Variants in ESRRG observed in about 807,000 individuals in gnomAD.
The protein encoded by ESRRG is estrogen-related receptor gamma.
Under a neutral mutation model 44.0 loss-of-function variants are expected in ESRRG, and 13 were observed. The observed-to-expected ratio is 0.30, with a 90% CI of 0.19 to 0.47. The LOEUF (loss-of-function observed/expected upper bound fraction) is 0.47, where lower values mean the gene tolerates loss of function less well. ESRRG is among the 20% of genes least tolerant of loss of function. The pLI, the probability that ESRRG is intolerant of heterozygous loss-of-function variation, is 1.00. For synonymous variants in ESRRG, 215 were observed against 214.6 expected (o/e 1.00, Z -0.02); for missense variants, 395 against 580.6 (o/e 0.68, Z 3.29).
At chr1:216,871,860 G>T (rs1577467856) in intron 2 of ESRRG, among the ~76,000 whole-genome samples, 2 of 152,028 alleles carry the variant, frequency 1.3e-5, no homozygotes, top group Non-Finnish European at 2.9e-5. Context: ...AAGAGGAAAA[G>T]AATTGTCTAT....
chr1:216,958,515 G>A (rs1303043264), intron 1 of ESRRG, among the ~76,000 whole-genome samples: 1 of 39,102 alleles, frequency 2.6e-5, no homozygotes, highest in Non-Finnish European at 1.2e-4. Flanking sequence ...GTCTTTCTCT[G>A]ATGATGATTG....
chr1:216,797,476 T>C lies in ESRRG; in HGVS notation c.-13-119985A>G, dbSNP rs1013864164. Among the ~76,000 whole-genome samples, 5 of 152,246 alleles carry C rather than the reference T, an allele frequency of 3.3e-5. No individual in the cohort carries two copies. In the East Asian group the frequency reaches 9.7e-4, roughly 29 times the overall value. On this transcript the variant is annotated intron_variant, in intron 2 of 7. Transcript: ENST00000359162. ...TAGTTCCGATAGCTACTTCACAGTA[T>C]ACCCATCCCTCCAGATCCACTAACC...
At chr1:216,708,248 A>G (rs1336506794) in intron 1 of ESRRG, among the ~76,000 whole-genome samples, 1 of 152,186 alleles carries the variant, frequency 6.6e-6, no homozygotes. Flanking sequence ...ATAAAGAATG[A>G]AGAAACTAGT....
intron 2 of ESRRG, among the ~76,000 whole-genome samples, chr1:216,874,946 T>C (rs2096325232): frequency 6.6e-6 from 1 of 152,150 alleles, no homozygotes; most frequent in Non-Finnish European, 1.5e-5. Flanking sequence ...CTTATACCAG[T>C]GGTTTGCCAG....
In ESRRG at chr1:216,565,412, C is replaced by T. The variant is rs528272811; in HGVS notation, c.701-1032G>A. Among the ~76,000 whole-genome samples, 4 of 152,200 alleles carry T rather than the reference C, an allele frequency of 2.6e-5. No homozygotes were observed. In the East Asian group the frequency reaches 7.7e-4, roughly 29 times the overall value. The stretch of plus-strand genomic sequence containing the variant: ...TCTATGTACTATTACTGTAGAAAAC[C>T]AGGACTTTAAATGAGGTTCTTGTGA... On this transcript the variant is annotated intron_variant, in intron 4 of 6. Coordinates refer to ENST00000408911, the MANE Select transcript of ESRRG (RefSeq NM_001438.4).
At chr1:216,705,565 G>T (rs547282296) in intron 1 of ESRRG, among the ~76,000 whole-genome samples, 2 of 152,252 alleles carry the variant, frequency 1.3e-5, no homozygotes, top group East Asian at 1.9e-4. Flanking sequence ...AACAGGCTGA[G>T]CATTATCTAA....
chr1:216,683,640 G>A (rs1369776701), intron 1 of ESRRG, among the ~76,000 whole-genome samples: 1 of 152,132 alleles, frequency 6.6e-6, no homozygotes, highest in East Asian at 1.9e-4. Context: ...AAGGCTCTCT[G>A]CTGCAAGCAA....
chr1:216,548,305 CCT>C (rs1256793861), intron 5 of ESRRG, among the ~76,000 whole-genome samples: 1 of 151,994 alleles, frequency 6.6e-6, no homozygotes, highest in Admixed American at 6.6e-5. Flanking sequence ...TTTGTCTTGA[CCT>C]CTCTCTCAAG....
At chr1:216,591,632 G>A (rs2057683876) in intron 3 of ESRRG, among the ~76,000 whole-genome samples, 1 of 152,124 alleles carries the variant, frequency 6.6e-6, no homozygotes, top group African/African-American at 2.4e-5. Flanking sequence ...TTGTGGCATG[G>A]AACATACAAA....
intron 2 of ESRRG, among the ~76,000 whole-genome samples, chr1:216,918,725 C>T (rs188716753): frequency 1.6e-4 from 24 of 151,370 alleles, no homozygotes; most frequent in Admixed American, 1.6e-3. Context: ...TATAATAAAG[C>T]AGAATGTTAG....
chr1:216,967,183 T>C (rs992874963), intron 1 of ESRRG, among the ~76,000 whole-genome samples: 4 of 151,722 alleles, frequency 2.6e-5, no homozygotes, highest in East Asian at 1.9e-4. Flanking sequence ...CCCCTCCCCA[T>C]TGATATTCCC....
intron 2 of ESRRG, among the ~76,000 whole-genome samples, chr1:216,870,159 T>C (rs1462837226): frequency 2.6e-5 from 4 of 152,134 alleles, no homozygotes; most frequent in African/African-American, 9.6e-5. Context: ...GAAGTTTCAT[T>C]CTATGCCTAC....
At chr1:217,016,740 C>T (rs997957215) in intron 1 of ESRRG, among the ~76,000 whole-genome samples, 4 of 152,102 alleles carry the variant, frequency 2.6e-5, no homozygotes, top group Non-Finnish European at 5.9e-5. Flanking sequence ...ATCTCTAAAG[C>T]TAGGTGTTCT....
intron 5 of ESRRG, among the ~76,000 whole-genome samples, chr1:216,530,670 G>A (rs1294885053): frequency 1.3e-5 from 2 of 152,132 alleles, no homozygotes; most frequent in African/African-American, 4.8e-5. Flanking sequence ...ACAAAAGGGA[G>A]TTGTGATTAT....
chr1:216,822,512 T>C (rs960804924), intron 2 of ESRRG, among the ~76,000 whole-genome samples: 2 of 152,196 alleles, frequency 1.3e-5, no homozygotes, highest in Non-Finnish European at 2.9e-5. Context: ...GAAGGAATCA[T>C]GGCCTTAAAG....
At chr1:216,522,563 C>T (rs1261006449) in intron 5 of ESRRG, among the ~76,000 whole-genome samples, 1 of 152,066 alleles carries the variant, frequency 6.6e-6, no homozygotes, top group Non-Finnish European at 1.5e-5. Flanking sequence ...GCCTGAGCAG[C>T]AGTTAAGACA....
At chr1:217,065,785 A>G (rs1231493391) in intron 1 of ESRRG, among the ~76,000 whole-genome samples, 1 of 152,240 alleles carries the variant, frequency 6.6e-6, no homozygotes, top group East Asian at 1.9e-4. Flanking sequence ...TCTAGAAGCA[A>G]ATATAAACCT....
chr1:216,512,184 A>ATTTT (rs2042911592), intron 6 of ESRRG, among the ~76,000 whole-genome samples: 1 of 152,228 alleles, frequency 6.6e-6, no homozygotes, highest in Non-Finnish European at 1.5e-5. Context: ...AGAGACAGAA[A>ATTTT]CAAACATTAT....
intron 3 of ESRRG, among the ~76,000 whole-genome samples, chr1:216,584,344 C>T (rs1005509923): frequency 4.0e-5 from 6 of 151,328 alleles, no homozygotes; most frequent in African/African-American, 1.5e-4. Flanking sequence ...GCAGGCTCTG[C>T]CCGCCGGGTT....
Sources: allele counts gnomAD v4.1 joint callset (sites outside exome capture counted in the v4.1 genomes callset), GRCh38; gene constraint gnomAD v4.1.1; transcripts MANE v1.5; gene names NCBI Gene and HGNC (gene_info 2026-07-23, HGNC 2026-07-21).